RPS6KA5: variants seen among roughly 807,000 people sequenced by gnomAD.
RPS6KA5 encodes ribosomal protein S6 kinase alpha-5.
RPS6KA5 carries 27 observed loss-of-function variants against 85.5 expected under a neutral mutation model. The ratio of observed to expected loss-of-function variants is 0.32; its 90% CI spans 0.23 to 0.44. The LOEUF (loss-of-function observed/expected upper bound fraction) is 0.44. Ranked by LOEUF, RPS6KA5 falls within the 20% of genes least tolerant of loss-of-function variation. The pLI is 1.00. For missense variants in RPS6KA5, 811 were observed against 980.9 expected (o/e 0.83, Z 2.31); for synonymous variants, 334 against 348.2 (o/e 0.96, Z 0.46).
At chr14:91,045,610 T>C (rs191159628) in intron 1 of RPS6KA5, among the ~76,000 whole-genome samples, 2 of 152,332 alleles carry the variant, frequency 1.3e-5, no homozygotes, top group East Asian at 3.9e-4. Flanking sequence ...CATTCACAAT[T>C]GTTAATCTCA....
At chr14:90,912,016 C>G (rs941772715) in intron 7 of RPS6KA5, among the ~76,000 whole-genome samples, 4 of 152,062 alleles carry the variant, frequency 2.6e-5, no homozygotes, top group African/African-American at 9.7e-5. Context: ...TCTCTTCTAC[C>G]CAACCCAGTC....
intron 13 of RPS6KA5, 118 bp downstream of exon 13, chr14:90,894,295 T>G: frequency 1.5e-6 from 2 of 1,335,032 alleles, no homozygotes; most frequent in Non-Finnish European, 1.9e-6. Flanking sequence ...AATTATCTAT[T>G]TAACAGCCTT....
At chr14:90,963,065 T>C (rs1595350632) in intron 3 of RPS6KA5, among the ~76,000 whole-genome samples, 1 of 152,228 alleles carries the variant, frequency 6.6e-6, no homozygotes, top group Non-Finnish European at 1.5e-5. Flanking sequence ...GTCCAATTTC[T>C]AGTTCAATTT....
intron 1 of RPS6KA5, among the ~76,000 whole-genome samples, chr14:91,057,470 G>A (rs566269797): frequency 6.8e-6 from 1 of 147,332 alleles, no homozygotes; most frequent in Admixed American, 6.9e-5. Flanking sequence ...TGCCCTCAAG[G>A]ACCTTACAGT....
At chr14:90,887,182 A>G (rs1307948730) in intron 14 of RPS6KA5, among the ~76,000 whole-genome samples, 1 of 152,084 alleles carries the variant, frequency 6.6e-6, no homozygotes, top group East Asian at 1.9e-4. Context: ...TCTAAAAAGA[A>G]AGGACTTTTG....
In RPS6KA5 at chr14:91,050,362, G is replaced by A. The variant is rs1016400614; in HGVS notation, c.103+9970C>T. On this transcript the variant is annotated intron_variant, in intron 1 of 16. Coordinates refer to ENST00000614987, the MANE Select transcript of RPS6KA5 (RefSeq NM_004755.4). ...CCACTGTATTCCAGCCTGGGCAACAGAGAAGACCTTATCTTCAAAAATAAC... is the reference window on the plus strand; with the variant it reads ...CCACTGTATTCCAGCCTGGGCAACAAAGAAGACCTTATCTTCAAAAATAAC... Among the ~76,000 whole-genome samples, 4 of 48,610 alleles carry A rather than the reference G, an allele frequency of 8.2e-5. No individual in the cohort carries two copies. The African/African-American group carries it at 8.5e-4, about 10-fold the overall frequency. 31.9% of individuals were successfully genotyped at this position (48,610 alleles called of 152,430 possible). A position where few individuals can be genotyped will look rare whatever the true frequency, so the allele number is the denominator to read the frequency against.
At chr14:91,040,173 G>A (rs2042550575) in intron 1 of RPS6KA5, among the ~76,000 whole-genome samples, 1 of 152,250 alleles carries the variant, frequency 6.6e-6, no homozygotes, top group South Asian at 2.1e-4. Context: ...TTGGGAGGCT[G>A]AGGCGGGCAG....
rs556410007 is a variant in RPS6KA5 at position 90,897,048 on chromosome 14, G to A, written c.1473+2281C>T. Among the ~76,000 whole-genome samples, 11 of 152,234 alleles carry A rather than the reference G, an allele frequency of 7.2e-5. No individual in the cohort carries two copies. In the South Asian group the frequency reaches 2.3e-3, roughly 32 times the overall value. The stretch of plus-strand genomic sequence containing the variant: ...TTTTGGCACCAGGAAATGGTTTCAC[G>A]GAAGGCAATTTTTCCATGGACGAGG... On this transcript the variant is annotated intron_variant, in intron 12 of 16. Coordinates refer to ENST00000614987, the MANE Select transcript of RPS6KA5 (RefSeq NM_004755.4).
intron 2 of RPS6KA5, among the ~76,000 whole-genome samples, chr14:90,983,781 CTT>C (rs1165700793): frequency 7.0e-6 from 1 of 142,262 alleles, no homozygotes; most frequent in Non-Finnish European, 1.5e-5. Flanking sequence ...TCCTTTCTTT[CTT>C]TCTTTCTCTC....
At chr14:90,916,077 T>G (rs2036104402) in intron 7 of RPS6KA5, among the ~76,000 whole-genome samples, 1 of 152,124 alleles carries the variant, frequency 6.6e-6, no homozygotes. Context: ...TGGAAAGAAA[T>G]AATAGAATTA....
chr14:90,889,922 T>C (rs895967720), intron 14 of RPS6KA5, among the ~76,000 whole-genome samples: 2 of 152,138 alleles, frequency 1.3e-5, no homozygotes, highest in Non-Finnish European at 2.9e-5. Context: ...ACAAATTATA[T>C]GCAGAAAAAG....
At chr14:90,892,339 G>T (rs1178621677) in intron 13 of RPS6KA5, among the ~76,000 whole-genome samples, 1 of 152,102 alleles carries the variant, frequency 6.6e-6, no homozygotes, top group Non-Finnish European at 1.5e-5. Context: ...GAGAGGATGT[G>T]GCAATCACTT....
intron 1 of RPS6KA5, among the ~76,000 whole-genome samples, chr14:91,020,403 T>G (rs1287307183): frequency 6.6e-6 from 1 of 152,162 alleles, no homozygotes; most frequent in African/African-American, 2.4e-5. Flanking sequence ...AGAGATGATT[T>G]AAGGTATGTA....
intron 7 of RPS6KA5, among the ~76,000 whole-genome samples, chr14:90,911,845 G>A (rs1473923957): frequency 2.6e-5 from 4 of 152,148 alleles, no homozygotes; most frequent in Non-Finnish European, 4.4e-5. Flanking sequence ...CCCCATATGC[G>A]TATCTTAAAC....
chr14:90,876,339 T>C (rs989334413), intron 14 of RPS6KA5, among the ~76,000 whole-genome samples: 5 of 152,238 alleles, frequency 3.3e-5, no homozygotes, highest in Non-Finnish European at 1.5e-5. Context: ...AAAAACTTCA[T>C]ATAGGCCTTC....
chr14:91,048,540 C>G (rs926382844), intron 1 of RPS6KA5, among the ~76,000 whole-genome samples: 2 of 152,178 alleles, frequency 1.3e-5, no homozygotes, highest in African/African-American at 4.8e-5. Context: ...AGCCAGCTCA[C>G]TCACAACTTT....
At chr14:90,951,039 G>A (rs552564005) in intron 3 of RPS6KA5, among the ~76,000 whole-genome samples, 17 of 147,486 alleles carry the variant, frequency 1.2e-4, no homozygotes, top group South Asian at 8.6e-4. Flanking sequence ...AAAATTGCTT[G>A]AACCGGGAGG....
At chr14:91,055,746 T>C (rs1460110180) in intron 1 of RPS6KA5, among the ~76,000 whole-genome samples, 1 of 152,128 alleles carries the variant, frequency 6.6e-6, no homozygotes, top group Non-Finnish European at 1.5e-5. Flanking sequence ...ACCACTGCAC[T>C]CCAGCCTGGA....
At chr14:91,005,877 T>A (rs1258472091) in intron 1 of RPS6KA5, among the ~76,000 whole-genome samples, 1 of 152,194 alleles carries the variant, frequency 6.6e-6, no homozygotes, top group Non-Finnish European at 1.5e-5. Context: ...GAAATCTGTA[T>A]GTGTGAGTCA....
Sources: allele counts gnomAD v4.1 joint callset (sites outside exome capture counted in the v4.1 genomes callset), GRCh38; gene constraint gnomAD v4.1.1; transcripts MANE v1.5; gene names NCBI Gene and HGNC (gene_info 2026-07-23, HGNC 2026-07-21).